Variants in ANO1 observed in about 807,000 individuals in gnomAD.
The protein encoded by ANO1 is anoctamin-1.
Under a neutral mutation model 124.0 loss-of-function variants are expected in ANO1, and 59 were observed. The observed-to-expected ratio is 0.48, with a 90% confidence interval of 0.39 to 0.59. ANO1 has a LOEUF of 0.59. ANO1 is among the 20% of genes least tolerant of loss of function. The pLI is 0.00. For missense variants in ANO1, 1,059 were observed against 1,328.0 expected, an observed-to-expected ratio of 0.80 and a Z score of 3.15; for synonymous variants, 529 against 532.0, an observed-to-expected ratio of 0.99 and a Z score of 0.08.
intron 14 of ANO1, among the ~76,000 whole-genome samples, chr11:70,154,816 A>G (rs2047743125): frequency 6.6e-6 from 1 of 152,218 alleles, no homozygotes; most frequent in Non-Finnish European, 1.5e-5. Flanking sequence ...AGGACTCAAC[A>G]GAATACAACT....
intron 11 of ANO1, among the ~76,000 whole-genome samples, chr11:70,141,208 C>T (rs1438678190): frequency 1.3e-5 from 2 of 152,184 alleles, no homozygotes; most frequent in East Asian, 3.8e-4. Flanking sequence ...TGCTACTGAG[C>T]GCGCCGTCCC....
chr11:70,118,859 G>A (rs1046729161), intron 8 of ANO1, among the ~76,000 whole-genome samples: 18 of 151,212 alleles, frequency 1.2e-4, no homozygotes, highest in South Asian at 2.1e-4. Flanking sequence ...CTGATGGAAG[G>A]ATGAATGATG....
chr11:70,111,408 G>A (rs2045775376), intron 6 of ANO1, among the ~76,000 whole-genome samples: 1 of 152,166 alleles, frequency 6.6e-6, no homozygotes. Context: ...TGAAGCCATG[G>A]TCCGCTCACA....
At chr11:70,018,420 C>T (rs2134990273) in intron 1 of ANO1, 1 of 152,234 alleles carries the variant, frequency 6.6e-6, no homozygotes, top group African/African-American at 2.4e-5. Context: ...TGCTTCCTGG[C>T]CCTTTGTGGG....
intron 24 of ANO1, 102 bp downstream of exon 24, chr11:70,182,788 C>A: frequency 2.8e-6 from 3 of 1,055,920 alleles, no homozygotes; most frequent in African/African-American, 1.7e-5. Flanking sequence ...CATGAAACAA[C>A]GCAAACTTGC....
At chr11:70,067,503 T>C (rs1857760373) in intron 1 of ANO1, among the ~76,000 whole-genome samples, 1 of 152,172 alleles carries the variant, frequency 6.6e-6, no homozygotes, top group South Asian at 2.1e-4. Flanking sequence ...AATTTTTGTA[T>C]TTTTAGTAGA....
intron 1 of ANO1, among the ~76,000 whole-genome samples, chr11:69,995,592 C>T (rs1299045404): frequency 3.3e-5 from 5 of 152,146 alleles, no homozygotes; most frequent in African/African-American, 9.7e-5. Context: ...TTGAGAAGTG[C>T]TGGTCAGGTC....
chr11:70,085,795 T>TG (rs200680688), intron 1 of ANO1: 23,572 of 1,216,758 alleles, frequency 0.019, 299 homozygotes, highest in Middle Eastern at 0.032. Context: ...GCTGACTGTT[T>TG]GGGGAGGGGC....
At chr11:70,177,630 C>T (rs1590933572) in intron 22 of ANO1, among the ~76,000 whole-genome samples, 2 of 112,844 alleles carry the variant, frequency 1.8e-5, no homozygotes, top group Non-Finnish European at 1.7e-5. Context: ...GACAGAGCCT[C>T]GTTCATTCTC....
chr11:69,998,295 C>T (rs1468142117), intron 1 of ANO1, among the ~76,000 whole-genome samples: 2 of 152,344 alleles, frequency 1.3e-5, no homozygotes, highest in Non-Finnish European at 1.5e-5. Flanking sequence ...CACCCCAGAA[C>T]GTGGCCTCTT....
At chr11:69,986,492 C>T (rs1216137361) in intron 1 of ANO1, among the ~76,000 whole-genome samples, 2 of 152,162 alleles carry the variant, frequency 1.3e-5, no homozygotes, top group Non-Finnish European at 2.9e-5. Context: ...TCTGCTAGGC[C>T]GGCCCAGGCT....
In ANO1 at chr11:70,035,317, G is replaced by C. The variant is rs11237407; in HGVS notation, c.59-43225G>C. On this transcript the variant is annotated intron_variant, in intron 1 of 27. Transcript: ENST00000531349. ...TTGGGAGAAGACTCAGCAGCTGAGCGTGTGGAGAGAAAAGGAAGGGGCCAA... is the reference window on the plus strand; with the variant it reads ...TTGGGAGAAGACTCAGCAGCTGAGCCTGTGGAGAGAAAAGGAAGGGGCCAA... Among the ~76,000 whole-genome samples the C allele has an allele frequency of 8.5e-5, 13 of 152,226 alleles. No individual in the cohort carries two copies. In the South Asian group the frequency reaches 1.0e-3, roughly 12 times the overall value.
At chr11:70,146,499 G>T (rs1392020130) in intron 11 of ANO1, among the ~76,000 whole-genome samples, 2 of 152,122 alleles carry the variant, frequency 1.3e-5, no homozygotes, top group Non-Finnish European at 2.9e-5. Flanking sequence ...AGCTGGGGAG[G>T]CCGGGACAGG....
intron 24 of ANO1, among the ~76,000 whole-genome samples, chr11:70,184,907 C>T (rs557398364): frequency 3.9e-5 from 6 of 152,196 alleles, no homozygotes; most frequent in South Asian, 2.1e-4. Flanking sequence ...CTGCCAGGCC[C>T]GGCTAATTTT....
intron 1 of ANO1, among the ~76,000 whole-genome samples, chr11:69,991,164 C>A (rs1554997423): frequency 1.3e-5 from 2 of 152,188 alleles, no homozygotes; most frequent in African/African-American, 2.4e-5. Context: ...GAGCCAAATT[C>A]ATTCCTCTGC....
intron 2 of ANO1, among the ~76,000 whole-genome samples, chr11:70,092,714 G>C (rs1051043225): frequency 6.6e-6 from 1 of 152,184 alleles, no homozygotes; most frequent in African/African-American, 2.4e-5. Flanking sequence ...AAGACCCCCA[G>C]TATCCACATG....
chr11:70,156,069 T>C, intron 15 of ANO1, 81 bp downstream of exon 15: 1 of 1,266,802 alleles, frequency 7.9e-7, no homozygotes, highest in Non-Finnish European at 1.0e-6. Context: ...CTCAACAAAC[T>C]GTTGTATATA....
chr11:70,110,504 T>G (rs1001645486), intron 6 of ANO1, among the ~76,000 whole-genome samples: 1 of 152,124 alleles, frequency 6.6e-6, no homozygotes, highest in Non-Finnish European at 1.5e-5. Flanking sequence ...CACTTTCTAT[T>G]GCAGACAAAC....
chr11:70,132,320 G>T (rs2046789933), intron 11 of ANO1, among the ~76,000 whole-genome samples: 1 of 152,136 alleles, frequency 6.6e-6, no homozygotes, highest in Admixed American at 6.5e-5. Flanking sequence ...AAGCCTAGGA[G>T]GGACGTTTTG....
Sources: allele counts gnomAD v4.1 joint callset (sites outside exome capture counted in the v4.1 genomes callset), GRCh38; gene constraint gnomAD v4.1.1; transcripts MANE v1.5; gene names NCBI Gene and HGNC (gene_info 2026-07-23, HGNC 2026-07-21).